JAK1: variants seen among roughly 807,000 people sequenced by gnomAD.
JAK1 encodes Janus kinase 1.
Under a neutral mutation model 136.6 loss-of-function variants are expected in JAK1, and 16 were observed. That is an observed-to-expected ratio of 0.12 (90% CI 0.08 to 0.18). The LOEUF is 0.18. Among genes scored for constraint, JAK1 ranks in the 10% least tolerant of loss-of-function variants. The pLI is 1.00. For missense variants in JAK1, 859 were observed against 1,450.1 expected (o/e 0.59, Z 6.62); for synonymous variants, 492 against 519.5 (o/e 0.95, Z 0.72).
At chr1:64,969,794 T>C (rs1318775404), upstream of JAK1, among the ~76,000 whole-genome samples, 1 of 152,102 alleles carries the variant, frequency 6.6e-6, no homozygotes, top group Non-Finnish European at 1.5e-5. Context: ...TGCCACCGAC[T>C]AAACAGGATA....
intron 2 of JAK1, chr1:64,987,438 A>C (rs1646610392): frequency 6.6e-6 from 1 of 152,272 alleles, no homozygotes; most frequent in African/African-American, 2.4e-5. Flanking sequence ...GGTACCCAGG[A>C]GACCAATTAA....
chr1:64,855,712 G>T lies in JAK1; in HGVS notation c.1459-14C>A. 1.2e-6 allele frequency: 2 copies of T among 1,606,804 alleles called. No homozygotes were observed. Among genetic ancestry groups the T allele is most frequent in the South Asian group, 1.1e-5 (1 of 90,694 alleles). ...ACCCTGCACCTGCTATTCGGGAAATGACCAGAAATTACATGTTTAAAATGG... is the reference window on the plus strand; with the variant it reads ...ACCCTGCACCTGCTATTCGGGAAATTACCAGAAATTACATGTTTAAAATGG... On this transcript the variant is annotated splice_polypyrimidine_tract_variant and intron_variant, in intron 10 of 24. Coordinates refer to ENST00000342505, the MANE Select transcript of JAK1 (RefSeq NM_002227.4).
chr1:65,062,899 A>G (rs1647853758), intron 1 of JAK1, among the ~76,000 whole-genome samples: 1 of 152,242 alleles, frequency 6.6e-6, no homozygotes, highest in Non-Finnish European at 1.5e-5. Flanking sequence ...CAACAAGAGT[A>G]TGTTTAATTC....
intron 1 of JAK1, among the ~76,000 whole-genome samples, chr1:64,944,745 G>A (rs1245358882): frequency 6.6e-6 from 1 of 152,034 alleles, no homozygotes; most frequent in Non-Finnish European, 1.5e-5. Flanking sequence ...CATTTATGTT[G>A]GGGATACACA....
intron 1 of JAK1, among the ~76,000 whole-genome samples, chr1:64,934,486 A>G (rs530202563): frequency 6.6e-6 from 1 of 152,320 alleles, no homozygotes; most frequent in East Asian, 1.9e-4. Context: ...TCCACAGAGC[A>G]GTAAAGAAAA....
intron 1 of JAK1, among the ~76,000 whole-genome samples, chr1:64,920,365 C>T (rs1645473347): frequency 1.3e-5 from 2 of 152,062 alleles, no homozygotes; most frequent in African/African-American, 4.8e-5. Context: ...CATGGCGAGA[C>T]CTCATCTCTA....
In JAK1 at chr1:64,925,661, T is replaced by C. The variant is rs192346381; in HGVS notation, c.-77-39320A>G. On this transcript the variant is annotated intron_variant, in intron 1 of 24. Coordinates refer to ENST00000342505, the MANE Select transcript of JAK1 (RefSeq NM_002227.4). The stretch of plus-strand genomic sequence containing the variant: ...TAACTGGGCCTTCCACACCATGCAA[T>C]CTAGTAATTCCGACTAACATCATCT... 9.2e-5 allele frequency among the ~76,000 whole-genome samples: 14 copies of C among 152,240 alleles called. No individual in the cohort carries two copies. The South Asian group carries it at 1.2e-3, about 14-fold the overall frequency.
intron 2 of JAK1, among the ~76,000 whole-genome samples, chr1:65,040,755 A>G (rs13375276): frequency 0.16 from 23,569 of 152,044 alleles, 2,325 homozygotes; most frequent in African/African-American, 0.28. Flanking sequence ...CATTTATAGA[A>G]CACCTATTAT....
intron 1 of JAK1, among the ~76,000 whole-genome samples, chr1:64,951,649 C>CTTTTT (rs71056071): frequency 2.6e-5 from 2 of 76,962 alleles, no homozygotes; most frequent in Non-Finnish European, 2.3e-5. Flanking sequence ...CAAGTTCTGC[C>CTTTTT]TTTTTTTTTT....
intron 1 of JAK1, among the ~76,000 whole-genome samples, chr1:64,931,896 A>C (rs1259149804): frequency 1.3e-5 from 2 of 152,092 alleles, no homozygotes; most frequent in South Asian, 4.1e-4. Context: ...TGTTCATAAC[A>C]GCAAAAAACT....
In JAK1 at chr1:64,984,586, G is replaced by A; in HGVS notation, c.-78+59894C>T. The A allele has an allele frequency of 2.6e-6, 1 of 387,548 alleles. No homozygotes were observed. Among genetic ancestry groups the A allele is most frequent in the Non-Finnish European group, 5.0e-6 (1 of 198,236 alleles). 24.0% of individuals were successfully genotyped at this position (387,548 alleles called of 1,614,324 possible). The stretch of plus-strand genomic sequence containing the variant: ...GAGGTGGCTTTCCCTTGCTGGGAGG[G>A]AGGTTGAAGGAGGCATGATTTAGAC... On this transcript the variant is annotated intron_variant, in intron 2 of 25. Transcript: ENST00000671954. The surrounding 1 kb of genome is among the most constrained non-coding windows in gnomAD (Gnocchi z 4.1).
chr1:64,886,606 A>G (rs1644856056), intron 1 of JAK1, among the ~76,000 whole-genome samples: 1 of 152,118 alleles, frequency 6.6e-6, no homozygotes, highest in Non-Finnish European at 1.5e-5. Flanking sequence ...CCCGATATGG[A>G]GTGTCCTGTC....
chr1:65,055,241 G>T (rs946376704), intron 1 of JAK1, among the ~76,000 whole-genome samples: 1 of 152,110 alleles, frequency 6.6e-6, no homozygotes, highest in African/African-American at 2.4e-5. Flanking sequence ...CATGTGAGTG[G>T]AATCATAACA....
intron 7 of JAK1, 53 bp downstream of exon 7, chr1:64,866,813 A>G: frequency 7.5e-7 from 1 of 1,336,504 alleles, no homozygotes. Flanking sequence ...TAAACAGCAT[A>G]CGCTATGTGA....
At chr1:64,845,908 A>G (rs146099409) in intron 14 of JAK1, among the ~76,000 whole-genome samples, 2 of 152,212 alleles carry the variant, frequency 1.3e-5, no homozygotes, top group African/African-American at 4.8e-5. Flanking sequence ...AAATGTCACA[A>G]GGCCTGGAAA....
At chr1:64,967,705 G>A (rs529928494), upstream of JAK1, among the ~76,000 whole-genome samples, 3 of 152,290 alleles carry the variant, frequency 2.0e-5, 1 homozygote, top group South Asian at 6.2e-4. Flanking sequence ...TTGAGGTTTG[G>A]CCTCCACCAG....
intron 1 of JAK1, among the ~76,000 whole-genome samples, chr1:64,901,999 T>A (rs1645112722): frequency 1.3e-5 from 2 of 152,228 alleles, no homozygotes; most frequent in South Asian, 2.1e-4. Flanking sequence ...TACGTTTTTT[T>A]AAATATTATT....
At chr1:64,901,523 G>A (rs772240719) in intron 1 of JAK1, among the ~76,000 whole-genome samples, 1 of 152,142 alleles carries the variant, frequency 6.6e-6, no homozygotes, top group Non-Finnish European at 1.5e-5. Flanking sequence ...AGTAAGGTCA[G>A]CCAGCAGGTG....
chr1:64,953,646 C>G (rs1432513014), intron 1 of JAK1, among the ~76,000 whole-genome samples: 1 of 152,022 alleles, frequency 6.6e-6, no homozygotes, highest in African/African-American at 2.4e-5. Flanking sequence ...GCCCCAAAAC[C>G]TAAAAAACAA....
Sources: gnomAD v4.1 joint callset for allele counts (sites outside exome capture counted in the v4.1 genomes callset) on GRCh38, gnomAD v4.1.1 for gene constraint, Gnocchi (gnomAD v3.1) non-coding constraint, MANE v1.5 for transcripts, NCBI Gene and HGNC (gene_info 2026-07-23, HGNC 2026-07-21) for gene names.